RNF14: variants seen among roughly 807,000 people sequenced by gnomAD.
The protein encoded by RNF14 is E3 ubiquitin-protein ligase RNF14.
In RNF14, 26 loss-of-function variants were observed where a neutral mutation model predicts 52.6. That is an observed-to-expected ratio of 0.49 (90% CI 0.36 to 0.69). The LOEUF is 0.69. Among genes scored for constraint, RNF14 ranks in the 30% least tolerant of loss-of-function variants. RNF14 has a pLI of 0.00. For missense variants in RNF14, 404 were observed against 560.4 expected (o/e 0.72, Z 2.82); for synonymous variants, 194 against 202.0 (o/e 0.96, Z 0.34).
chr5:141,955,570 T>C, upstream of RNF14: 1 of 1,614,202 alleles, frequency 6.2e-7, no homozygotes, highest in Non-Finnish European at 8.5e-7. This position sits in a 1 kb window ranked among gnomAD's most constrained non-coding sequence, Gnocchi z 5.5. Flanking sequence ...CTTGGGCTGC[T>C]GGCGGTAGGT....
intron 1 of RNF14, chr5:141,958,793 C>A (rs541806207): frequency 1.3e-5 from 2 of 152,380 alleles, no homozygotes; most frequent in Admixed American, 6.5e-5. Context: ...AGAATAGTAG[C>A]CCTTTCAGCA....
intron 8 of RNF14, among the ~76,000 whole-genome samples, chr5:141,985,792 AG>A (rs1469115349): frequency 6.6e-6 from 1 of 152,134 alleles, no homozygotes; most frequent in Non-Finnish European, 1.5e-5. Flanking sequence ...TGACCTCGTG[AG>A]CTGCCCGCCT....
Position 141,988,787 on chromosome 5 carries a change from A to G in RNF14, c.*997A>G, listed in dbSNP as rs1341823896. The G allele has an allele frequency of 6.6e-6, 1 of 152,322 alleles. No individual in the cohort carries two copies. Among genetic ancestry groups the G allele is most frequent in the East Asian group, 1.9e-4 (1 of 5,332 alleles). 9.4% of individuals were successfully genotyped at this position (152,322 alleles called of 1,614,324 possible). A position where few individuals can be genotyped will look rare whatever the true frequency, so the allele number is the denominator to read the frequency against. On this transcript the variant is annotated 3_prime_UTR_variant, in exon 9 of 9. Transcript: ENST00000394520. The stretch of plus-strand genomic sequence containing the variant: ...AACCTGTCTATACTACAGTAGTTCC[A>G]GTCCTAACTTTCTGAATTATTTTTA...
chr5:141,949,553 A>C, the RNF14 span: 13 of 1,614,090 alleles, frequency 8.1e-6, no homozygotes, highest in South Asian at 1.1e-5. Flanking sequence ...CAGCCCTTGC[A>C]CTTGGGCCAT....
upstream of RNF14, chr5:141,969,082 G>C (rs1753480878): frequency 6.6e-6 from 1 of 152,316 alleles, no homozygotes; most frequent in East Asian, 1.9e-4. Flanking sequence ...AGCGGGATCC[G>C]CCTGGCTCAG....
the RNF14 span, among the ~76,000 whole-genome samples, chr5:141,951,788 A>G: frequency 7.9e-5 from 12 of 151,962 alleles, no homozygotes; most frequent in Admixed American, 6.5e-4. Flanking sequence ...CTGTCATGTC[A>G]CCCCAGGACC....
chr5:141,957,321 A>G (rs773210192), upstream of RNF14: 5 of 1,613,366 alleles, frequency 3.1e-6, no homozygotes, highest in South Asian at 5.5e-5. The surrounding 1 kb of genome is among the most constrained non-coding windows in gnomAD (Gnocchi z 4.3). Flanking sequence ...CAAAGTGCTC[A>G]CTGGGAGACA....
At chr5:141,972,193 T>C (rs972400971) in intron 2 of RNF14, among the ~76,000 whole-genome samples, 5 of 151,824 alleles carry the variant, frequency 3.3e-5, no homozygotes, top group African/African-American at 1.2e-4. Flanking sequence ...CAATTTTGCC[T>C]CCAACCCCCA....
At chr5:141,976,651 G>A (rs191753843) in intron 4 of RNF14, among the ~76,000 whole-genome samples, 5 of 152,134 alleles carry the variant, frequency 3.3e-5, no homozygotes, top group African/African-American at 7.2e-5. Flanking sequence ...GAATTGGGGC[G>A]GGTAGACAGA....
At chr5:141,982,025 G>C (rs911493259) in intron 6 of RNF14, among the ~76,000 whole-genome samples, 1 of 152,170 alleles carries the variant, frequency 6.6e-6, no homozygotes, top group Non-Finnish European at 1.5e-5. Flanking sequence ...GGTAAGGCCA[G>C]ATGGAATGGA....
At chr5:141,969,942 A>G (rs1753592748) in intron 1 of RNF14, among the ~76,000 whole-genome samples, 1 of 152,258 alleles carries the variant, frequency 6.6e-6, no homozygotes, top group Non-Finnish European at 1.5e-5. Flanking sequence ...TTCAATTAGC[A>G]CCATATACTC....
In RNF14 at chr5:141,974,839, G is replaced by T; in HGVS notation, c.190G>T (p.Glu64Ter). ...TGAGTGTCTCCAGAATAGTGGCTTT[G>T]AATACACCATTTGCTTTCTGCCTCC... ...SNECLQNSGF[E>*]YTICFLPPLV... is the part of the protein sequence containing the mutation. Residue 64 changes from glutamate to a stop codon, truncating the protein, a stop_gained, in exon 4 of 9, where the codon GAA becomes TAA. Coordinates refer to ENST00000394520, the MANE Select transcript of RNF14 (RefSeq NM_004290.5). LOFTEE classifies it high-confidence loss of function. 1 of 1,613,990 alleles carries T rather than the reference G, an allele frequency of 6.2e-7. No individual in the cohort carries two copies. The highest frequency in any genetic ancestry group is 8.5e-7 in the Non-Finnish European group (1 of 1,179,948).
upstream of RNF14, chr5:141,963,230 G>C (rs1753288913): frequency 6.6e-6 from 1 of 152,112 alleles, no homozygotes; most frequent in African/African-American, 2.4e-5. Flanking sequence ...TAGGGTTATT[G>C]GTCCAGAAAG....
At position 141,980,314 on chromosome 5, in the gene RNF14, G is replaced by A. The variant is rs1344259261; in HGVS notation, c.1026G>A (p.Leu342=). The change falls in exon 6 of 9, where the codon TTG becomes TTA. Residue 342 remains leucine (L), a synonymous_variant. Coordinates refer to ENST00000394520, the MANE Select transcript of RNF14 (RefSeq NM_004290.5). ...CNFAFCTLCR[L]TYHGVSPCKV... The stretch of plus-strand genomic sequence containing the variant: ...TTGCCTTCTGTACTTTGTGCAGGTT[G>A]ACCTACCATGGGGTCTCCCCATGTA... 4 of 1,614,012 alleles carry A rather than the reference G, an allele frequency of 2.5e-6. No individual in the cohort carries two copies. The highest frequency in any genetic ancestry group is 1.3e-5 in the African/African-American group (1 of 74,942).
At chr5:141,958,106 T>C (rs1015225316), upstream of RNF14, 1 of 508,362 alleles carries the variant, frequency 2.0e-6, no homozygotes, top group Non-Finnish European at 3.5e-6. Context: ...GGGGAACTAG[T>C]TGGTCCACTT....
chr5:141,980,270 A>T lies in RNF14; in HGVS notation c.982A>T (p.Ile328Phe). Residue 328 changes from isoleucine to phenylalanine, a missense_variant, in exon 6 of 9, where the codon ATC (isoleucine) becomes TTC (phenylalanine). Coordinates refer to ENST00000394520, the MANE Select transcript of RNF14 (RefSeq NM_004290.5). The part of the protein sequence containing the change: ...VMQEPGCTMG[I>F]CSSCNFAFCT... ...GCAGGAACCTGGCTGCACCATGGGT[A>T]TCTGCTCCAGCTGCAATTTTGCCTT... 6.2e-7 allele frequency: 1 copy of T among 1,614,230 alleles called. No homozygotes were observed. Among genetic ancestry groups the T allele is most frequent in the Non-Finnish European group, 8.5e-7 (1 of 1,180,040 alleles).
chr5:141,983,370 C>T lies in RNF14; in HGVS notation c.1064-10C>T, dbSNP rs1229839588. 6.2e-7 allele frequency: 1 copy of T among 1,602,284 alleles called. No homozygotes were observed. Among genetic ancestry groups the T allele is most frequent in the South Asian group, 1.1e-5 (1 of 89,266 alleles). ...TTATATAAAAGTTAATTTTCCATTTCACTTTGTAGAGAAATTAATGGACTT... is the reference window on the plus strand; with the variant it reads ...TTATATAAAAGTTAATTTTCCATTTTACTTTGTAGAGAAATTAATGGACTT... On this transcript the variant is annotated splice_polypyrimidine_tract_variant and intron_variant, in intron 6 of 8. Coordinates refer to ENST00000394520, the MANE Select transcript of RNF14 (RefSeq NM_004290.5).
intron 1 of RNF14, among the ~76,000 whole-genome samples, chr5:141,960,503 G>A (rs998640915): frequency 1.3e-5 from 2 of 152,226 alleles, no homozygotes; most frequent in African/African-American, 4.8e-5. Flanking sequence ...GTGCAGTAGT[G>A]TAGGGAGGAA....
upstream of RNF14, chr5:141,956,220 C>T: frequency 6.2e-7 from 1 of 1,614,224 alleles, no homozygotes; most frequent in Non-Finnish European, 8.5e-7. Context: ...TGGATGCAAG[C>T]ATGGGTTGCC....
Sources: allele counts gnomAD v4.1 joint callset (sites outside exome capture counted in the v4.1 genomes callset), GRCh38; gene constraint gnomAD v4.1.1; non-coding constraint Gnocchi (gnomAD v3.1); transcripts MANE v1.5; gene names NCBI Gene and HGNC (gene_info 2026-07-23, HGNC 2026-07-21).